Variants in TTC3 observed in about 807,000 individuals in gnomAD.
TTC3 encodes E3 ubiquitin-protein ligase TTC3.
A neutral mutation model predicts 249.6 loss-of-function variants in TTC3; 180 were observed. The observed-to-expected ratio is 0.72, with a 90% CI of 0.64 to 0.82. The LOEUF is 0.82. TTC3 is among the 40% of genes least tolerant of loss of function. TTC3 has a pLI of 0.00. For synonymous variants in TTC3, 717 were observed against 805.0 expected, an observed-to-expected ratio of 0.89 and a Z score of 1.85; for missense variants, 2,061 against 2,398.4, an observed-to-expected ratio of 0.86 and a Z score of 2.94.
At chr21:37,089,876 T>C (rs555707665) in intron 5 of TTC3, among the ~76,000 whole-genome samples, 2 of 151,916 alleles carry the variant, frequency 1.3e-5, no homozygotes, top group African/African-American at 2.4e-5. Context: ...TCCCAGGTAG[T>C]TGGGAGGCTG....
rs754085959 is a variant in TTC3, at chr21:37,126,106, T to C, written c.1260T>C (p.Asp420=). The C allele has an allele frequency of 1.2e-5, 20 of 1,611,934 alleles. No homozygotes were observed. The East Asian group carries it at 1.6e-4, about 13-fold the overall frequency. The change falls in exon 15 of 46, where the codon GAT becomes GAC. Residue 420 remains aspartate, a synonymous_variant. Coordinates refer to ENST00000355666, the Ensembl canonical transcript of TTC3. ...TGGCGGATGAGGCGTTGAAGGTAGA[T>C]GATTGTGACTGTCATCCTGAATTTT...
chr21:37,186,790 A>G (rs2083340829), intron 37 of TTC3, among the ~76,000 whole-genome samples: 1 of 152,226 alleles, frequency 6.6e-6, no homozygotes, highest in African/African-American at 2.4e-5. Context: ...GTGAACTGGA[A>G]CAGTACCCTC....
At position 37,187,035 on chromosome 21, in the gene TTC3, T is replaced by C; in HGVS notation, c.4827-14T>C. On this transcript the variant is annotated splice_polypyrimidine_tract_variant and intron_variant, in intron 37 of 45. Coordinates refer to ENST00000355666, the Ensembl canonical transcript of TTC3. ...TTGTTCAAGAAAGTTTTTTTTTTCCTTCAATATTTGTAGCAACACACTTAC... is the reference window on the plus strand; with the variant it reads ...TTGTTCAAGAAAGTTTTTTTTTTCCCTCAATATTTGTAGCAACACACTTAC... 1.3e-6 allele frequency: 2 copies of C among 1,510,574 alleles called. No individual in the cohort carries two copies. The highest frequency in any genetic ancestry group is 1.8e-6 in the Non-Finnish European group (2 of 1,129,190). The allele number at this position is 1,510,574 out of a possible 1,614,324, so 93.6% of individuals were successfully genotyped here.
intron 29 of TTC3, 36 bp from the exon 30 acceptor site, chr21:37,160,766 T>C (rs2080650381): frequency 2.5e-6 from 4 of 1,605,326 alleles, no homozygotes; most frequent in Non-Finnish European, 8.5e-7. Context: ...AATGCTGTTA[T>C]TTGAGTGTTC....
chr21:37,078,131 C>G (rs1214731762), intron 1 of TTC3, among the ~76,000 whole-genome samples: 1 of 152,022 alleles, frequency 6.6e-6, no homozygotes, highest in Non-Finnish European at 1.5e-5. Flanking sequence ...GCTGTGCCAT[C>G]TCTTTTACAT....
chr21:37,141,784 A>C (rs1218740792), intron 20 of TTC3, among the ~76,000 whole-genome samples: 2 of 152,006 alleles, frequency 1.3e-5, no homozygotes, highest in African/African-American at 4.8e-5. Flanking sequence ...CAGCAATAAC[A>C]CAGAGACACA....
In TTC3 at chr21:37,195,589, G is replaced by A. The variant is rs1396740881; in HGVS notation, c.5218-86G>A. 2.7e-6 allele frequency: 4 copies of A among 1,509,370 alleles called. No homozygotes were observed. In the East Asian group the frequency reaches 9.1e-5, roughly 34 times the overall value. 93.5% of individuals were successfully genotyped at this position (1,509,370 alleles called of 1,614,324 possible). A position where few individuals can be genotyped will look rare whatever the true frequency, so the allele number is the denominator to read the frequency against. On this transcript the variant is annotated intron_variant, in intron 41 of 45. Transcript: ENST00000355666. ...CACGGAGCCTCTGCGCTGCGTTACT[G>A]TATTTATTCATCGGCCTTTGTCCTT...
At chr21:37,095,851 A>G (rs1161943025) in intron 9 of TTC3, among the ~76,000 whole-genome samples, 1 of 152,220 alleles carries the variant, frequency 6.6e-6, no homozygotes, top group Non-Finnish European at 1.5e-5. Flanking sequence ...TTACAGGATA[A>G]TTGAGAGAAT....
chr21:37,109,358 C>T (rs1294433209), intron 11 of TTC3, among the ~76,000 whole-genome samples: 1 of 152,224 alleles, frequency 6.6e-6, no homozygotes, highest in Non-Finnish European at 1.5e-5. Flanking sequence ...GGGTCACTTC[C>T]ACCCTAATAC....
chr21:37,083,566 GGACA>G (rs1452771153), intron 1 of TTC3: 37 of 279,564 alleles, frequency 1.3e-4, no homozygotes, highest in Admixed American at 1.3e-4. Context: ...GTGGTCCATT[GGACA>G]GAAATATTGA....
At chr21:37,125,274 C>G (rs1261727134) in intron 14 of TTC3, among the ~76,000 whole-genome samples, 4 of 152,240 alleles carry the variant, frequency 2.6e-5, no homozygotes, top group Non-Finnish European at 1.5e-5. Flanking sequence ...CCGAAATGAA[C>G]TCTACTCTTG....
chr21:37,149,650 C>T (rs2079277637), intron 23 of TTC3, among the ~76,000 whole-genome samples: 1 of 152,158 alleles, frequency 6.6e-6, no homozygotes, highest in Non-Finnish European at 1.5e-5. Context: ...ACTTGTCCTG[C>T]AGTTCTGCAG....
At chr21:37,167,417 G>C in intron 33 of TTC3, 138 bp from the exon 34 acceptor site, 1 of 552,040 alleles carries the variant, frequency 1.8e-6, no homozygotes, top group Non-Finnish European at 3.2e-6. Context: ...CATGTTTACG[G>C]AAAGCATGGA....
At chr21:37,202,080 C>T (rs1271311714) in exon 46 of TTC3, 1 of 152,244 alleles carries the variant, frequency 6.6e-6, no homozygotes, top group Non-Finnish European at 1.5e-5. Context: ...TGGGCATAAG[C>T]AAACTATATT....
At chr21:37,107,881 C>G (rs554193553) in intron 10 of TTC3, 13 of 152,642 alleles carry the variant, frequency 8.5e-5, no homozygotes, top group African/African-American at 3.1e-4. Context: ...GTCAGGAGAT[C>G]GAGACCATCG....
In TTC3 at chr21:37,150,754, T is replaced by C. The variant is rs554848943; in HGVS notation, c.2212-66T>C. 1.1e-4 allele frequency: 107 copies of C among 1,003,974 alleles called. 3 individuals carry two copies. The South Asian group carries it at 1.4e-3, about 13-fold the overall frequency. 62.2% of individuals were successfully genotyped at this position (1,003,974 alleles called of 1,614,324 possible). ...GTGTGCTTCTGAAATACTTGTTACT[T>C]GTGGTTTTGTGTTTTATGTCATGGG... On this transcript the variant is annotated intron_variant, in intron 24 of 45. Coordinates refer to ENST00000355666, the Ensembl canonical transcript of TTC3.
At chr21:37,120,840 T>A (rs1272239948) in intron 11 of TTC3, among the ~76,000 whole-genome samples, 1 of 152,254 alleles carries the variant, frequency 6.6e-6, no homozygotes, top group Non-Finnish European at 1.5e-5. Flanking sequence ...TTATAATTTC[T>A]CCTAGATTTT....
rs1229762629 is a variant in TTC3, at chr21:37,157,214, A to G, written c.2992+308A>G. ...GCATGTTACACTGACAGAATCTATTAGTAAGTGGTTTGATTTATAGCATTT... is the reference window on the plus strand; with the variant it reads ...GCATGTTACACTGACAGAATCTATTGGTAAGTGGTTTGATTTATAGCATTT... On this transcript the variant is annotated intron_variant, in intron 28 of 45. Coordinates refer to ENST00000355666, the Ensembl canonical transcript of TTC3. 3.0e-6 allele frequency: 4 copies of G among 1,327,772 alleles called. No individual in the cohort carries two copies. The South Asian group carries it at 4.9e-5, about 16-fold the overall frequency. 82.2% of individuals were successfully genotyped at this position (1,327,772 alleles called of 1,614,324 possible).
At position 37,172,712 on chromosome 21, in the gene TTC3, G is replaced by T. The variant is rs557713050; in HGVS notation, c.4585G>T (p.Glu1529Ter). 6.2e-7 allele frequency: 1 copy of T among 1,614,014 alleles called. No individual in the cohort carries two copies. The highest frequency in any genetic ancestry group is 8.5e-7 in the Non-Finnish European group (1 of 1,179,924). The change falls in exon 35 of 46, where the codon GAG becomes TAG. Residue 1529 changes from glutamate (E) to a stop codon, truncating the protein, a stop_gained. Coordinates refer to ENST00000355666, the Ensembl canonical transcript of TTC3. LOFTEE classifies it high-confidence loss of function. ...CTTAGAAGAGACCAGGGACCTGGAA[G>T]AGAAGTTGAAAAGGCACTTAGAAGA... is the stretch of plus-strand genomic sequence containing the variant.
Sources: gnomAD v4.1 joint callset for allele counts (sites outside exome capture counted in the v4.1 genomes callset) on GRCh38, gnomAD v4.1.1 for gene constraint, MANE v1.5 for transcripts, NCBI Gene and HGNC (gene_info 2026-07-23, HGNC 2026-07-21) for gene names.